The following NUBPL variants were observed in gnomAD, a reference collection of about 807,000 sequenced individuals.
NUBPL encodes the protein NUBP iron-sulfur cluster assembly factor, mitochondrial, also known as iron-sulfur cluster transfer protein NUBPL.
In NUBPL, 31 loss-of-function variants were observed where a neutral mutation model predicts 45.7. The ratio of observed to expected loss-of-function variants is 0.68; its 90% confidence interval spans 0.51 to 0.92. The LOEUF (loss-of-function observed/expected upper bound fraction) is 0.92, where lower values mean the gene tolerates loss of function less well. Ranked by LOEUF, NUBPL falls within the 40% of genes least tolerant of loss-of-function variation. The pLI, the probability that NUBPL is intolerant of heterozygous loss-of-function variation, is 0.00. For synonymous variants in NUBPL, 144 were observed against 140.9 expected, an observed-to-expected ratio of 1.02 and a Z score of -0.15; for missense variants, 401 against 398.7, an observed-to-expected ratio of 1.01 and a Z score of -0.05.
intron 10 of NUBPL, among the ~76,000 whole-genome samples, chr14:31,858,323 A>G (rs1197250995): frequency 2.0e-5 from 3 of 152,204 alleles, no homozygotes; most frequent in Non-Finnish European, 4.4e-5. Flanking sequence ...TTGGGTGGGG[A>G]CACAGCCAAA....
intron 4 of NUBPL, chr14:31,668,113 A>G (rs2036480577): frequency 1.3e-5 from 2 of 152,374 alleles, no homozygotes; most frequent in Non-Finnish European, 1.5e-5. Flanking sequence ...TGCTCTCTTC[A>G]GAGTCGGCAG....
At chr14:31,627,297 G>T (rs909321147) in intron 4 of NUBPL, among the ~76,000 whole-genome samples, 5 of 152,024 alleles carry the variant, frequency 3.3e-5, no homozygotes, top group Non-Finnish European at 7.4e-5. Context: ...TCACAAGAAG[G>T]CATGTAGATG....
intron 4 of NUBPL, among the ~76,000 whole-genome samples, chr14:31,646,194 G>C (rs7147510): frequency 0.55 from 83,171 of 151,548 alleles, 24,935 homozygotes; most frequent in African/African-American, 0.81. Flanking sequence ...CCCTTCCCCC[G>C]CTTTTTTTTT....
At chr14:31,791,792 A>G (rs985822043) in intron 7 of NUBPL, among the ~76,000 whole-genome samples, 3 of 152,210 alleles carry the variant, frequency 2.0e-5, no homozygotes, top group African/African-American at 7.2e-5. Context: ...GATACATTGT[A>G]GAACATTCAG....
chr14:31,576,037 A>G (rs1595302849), intron 3 of NUBPL, among the ~76,000 whole-genome samples: 1 of 152,236 alleles, frequency 6.6e-6, no homozygotes, highest in Non-Finnish European at 1.5e-5. Flanking sequence ...CTATATTTGT[A>G]ATTATAAAGC....
chr14:31,699,129 A>G (rs1466576647), intron 6 of NUBPL, among the ~76,000 whole-genome samples: 1 of 152,252 alleles, frequency 6.6e-6, no homozygotes, highest in Non-Finnish European at 1.5e-5. Flanking sequence ...TGCTGGGATT[A>G]CAGGCATGAG....
rs116418123 is a variant in NUBPL at position 31,840,968 on chromosome 14, G to A, written c.694-5503G>A. 3.2e-3 allele frequency among the ~76,000 whole-genome samples: 483 copies of A among 152,186 alleles called. 3 individuals are homozygous for A. Among genetic ancestry groups the A allele is most frequent in the African/African-American group, 0.011 (446 of 41,526 alleles). On this transcript the variant is annotated intron_variant, in intron 8 of 10. Transcript: ENST00000281081. ...TATAGTGTTATACGTTTGTGTGTCCGGTTTATTTTGTTTAAAATTATGTTT... is the reference window on the plus strand; with the variant it reads ...TATAGTGTTATACGTTTGTGTGTCCAGTTTATTTTGTTTAAAATTATGTTT...
intron 6 of NUBPL, among the ~76,000 whole-genome samples, chr14:31,744,456 G>A (rs1322795777): frequency 6.6e-6 from 1 of 151,872 alleles, no homozygotes; most frequent in Non-Finnish European, 1.5e-5. Context: ...ACTTAATTAT[G>A]TTTCTTTAAA....
intron 7 of NUBPL, among the ~76,000 whole-genome samples, chr14:31,810,076 A>G (rs532882102): frequency 6.6e-6 from 1 of 152,336 alleles, no homozygotes; most frequent in African/African-American, 2.4e-5. Context: ...TGTGGTGCTG[A>G]GAAGAATGTA....
intron 6 of NUBPL, among the ~76,000 whole-genome samples, chr14:31,743,628 C>T (rs149595261): frequency 1.5e-3 from 227 of 152,282 alleles, no homozygotes; most frequent in Middle Eastern, 0.014. Flanking sequence ...GGTCTGCCCT[C>T]ACTGGCCTCC....
chr14:31,598,251 G>C (rs1010071945), intron 3 of NUBPL, among the ~76,000 whole-genome samples: 1 of 152,122 alleles, frequency 6.6e-6, no homozygotes, highest in Non-Finnish European at 1.5e-5. Flanking sequence ...TATGTTCATA[G>C]GAACCAGATA....
chr14:31,848,711 A>T (rs181106187), intron 9 of NUBPL, among the ~76,000 whole-genome samples: 1 of 152,244 alleles, frequency 6.6e-6, no homozygotes, highest in African/African-American at 2.4e-5. Flanking sequence ...CATTCTTACT[A>T]CGCACCTATT....
chr14:31,609,776 C>T (rs1395464803), intron 4 of NUBPL, among the ~76,000 whole-genome samples: 1 of 152,048 alleles, frequency 6.6e-6, no homozygotes, highest in Non-Finnish European at 1.5e-5. Context: ...ATTTTGGAAA[C>T]TGTACAAATA....
At chr14:31,656,497 C>T (rs2036143919) in intron 4 of NUBPL, among the ~76,000 whole-genome samples, 1 of 152,110 alleles carries the variant, frequency 6.6e-6, no homozygotes, top group Non-Finnish European at 1.5e-5. Flanking sequence ...TTTTATTTCA[C>T]TTAAACACTT....
intron 3 of NUBPL, among the ~76,000 whole-genome samples, chr14:31,568,391 A>G (rs1355484047): frequency 1.3e-5 from 2 of 152,212 alleles, no homozygotes; most frequent in Non-Finnish European, 2.9e-5. Context: ...ACTTTACATA[A>G]ACACGCCCTT....
In NUBPL at chr14:31,846,474, C is replaced by T. The variant is rs747956519; in HGVS notation, c.697C>T (p.Leu233Phe). The T allele has an allele frequency of 1.2e-6, 2 of 1,610,944 alleles. No individual in the cohort carries two copies. Among genetic ancestry groups the T allele is most frequent in the African/African-American group, 1.3e-5 (1 of 74,982 alleles). ...EMFRRVHVPV[L>F]GLVQNMSVFQ... is the part of the protein sequence containing the mutation. ...TTTCAGTGTGTTTTTATTCTAGGTC[C>T]TTGGCCTTGTCCAAAACATGAGTGT... The change falls in exon 9 of 11, where the codon CTT becomes TTT. Residue 233 changes from leucine (L) to phenylalanine (F), a missense_variant. Coordinates refer to ENST00000281081, the MANE Select transcript of NUBPL (RefSeq NM_025152.3).
chr14:31,787,253 T>G (rs7159758), intron 6 of NUBPL, among the ~76,000 whole-genome samples: 62,332 of 151,952 alleles, frequency 0.41, 14,434 homozygotes, highest in East Asian at 0.6. Flanking sequence ...GTGAATATTC[T>G]GGGTATAAAT....
At chr14:31,676,001 A>T (rs2036685901) in intron 6 of NUBPL, among the ~76,000 whole-genome samples, 1 of 151,780 alleles carries the variant, frequency 6.6e-6, no homozygotes, top group Non-Finnish European at 1.5e-5. Flanking sequence ...TAAATTTCAA[A>T]TGAATAGGAT....
chr14:31,701,821 C>T (rs960477640), intron 6 of NUBPL, among the ~76,000 whole-genome samples: 10 of 152,150 alleles, frequency 6.6e-5, no homozygotes, highest in African/African-American at 1.7e-4. Context: ...TCAGTGAGAC[C>T]GAGAACCCAC....
Sources: allele counts gnomAD v4.1 joint callset (sites outside exome capture counted in the v4.1 genomes callset), GRCh38; gene constraint gnomAD v4.1.1; transcripts MANE v1.5; gene names NCBI Gene and HGNC (gene_info 2026-07-23, HGNC 2026-07-21).